The following GPHN variants were observed in gnomAD, a reference collection of about 807,000 sequenced individuals.
GPHN encodes gephyrin.
Under a neutral mutation model 95.5 loss-of-function variants are expected in GPHN, and 17 were observed. The ratio of observed to expected loss-of-function variants is 0.18; its 90% CI spans 0.12 to 0.27. GPHN has a LOEUF of 0.27. Among genes scored for constraint, GPHN ranks in the 10% least tolerant of loss-of-function variants. GPHN has a pLI of 1.00. For missense variants in GPHN, 660 were observed against 978.1 expected, an observed-to-expected ratio of 0.67 and a Z score of 4.34; for synonymous variants, 320 against 322.5, an observed-to-expected ratio of 0.99 and a Z score of 0.08.
the GPHN span, among the ~76,000 whole-genome samples, chr14:67,337,176 T>C: frequency 6.6e-6 from 1 of 152,240 alleles, no homozygotes; most frequent in Non-Finnish European, 1.5e-5. Context: ...TGCTATCTTA[T>C]AGGAGATGTT....
chr14:67,076,710 G>T (rs893040792), intron 11 of GPHN, among the ~76,000 whole-genome samples: 19 of 152,144 alleles, frequency 1.2e-4, no homozygotes, highest in African/African-American at 4.1e-4. Context: ...CAGCATCAAT[G>T]CCGTTACAAT....
intron 9 of GPHN, among the ~76,000 whole-genome samples, chr14:66,992,314 A>G (rs138160884): frequency 3.9e-5 from 6 of 152,286 alleles, no homozygotes; most frequent in East Asian, 3.9e-4. Flanking sequence ...AAGGAATATG[A>G]CAATTATCTA....
chr14:66,816,233 A>G (rs767345853), intron 3 of GPHN, among the ~76,000 whole-genome samples: 4 of 152,138 alleles, frequency 2.6e-5, no homozygotes, highest in Non-Finnish European at 5.9e-5. Context: ...CCCCACTGAC[A>G]ATATTAGATC....
intron 14 of GPHN, among the ~76,000 whole-genome samples, chr14:67,111,347 C>T (rs1490556834): frequency 2.0e-5 from 3 of 152,152 alleles, no homozygotes; most frequent in African/African-American, 7.2e-5. Context: ...ATTCACAGCC[C>T]ATAAATGTAA....
At chr14:67,440,027 G>C in the GPHN span, among the ~76,000 whole-genome samples, 2 of 151,970 alleles carry the variant, frequency 1.3e-5, no homozygotes, top group African/African-American at 4.8e-5. Flanking sequence ...GTAGAGACAG[G>C]GTTTCACCAT....
chr14:67,122,360 G>T lies in GPHN; in HGVS notation c.1731G>T (p.Leu577Phe). The stretch of plus-strand genomic sequence containing the variant: ...AACATGGTTACCCCACGATCAACTT[G>T]GGTATTGTAGGAGACAAGTAAGTAT... ...IQEHGYPTIN[L>F]GIVGDNPDDL... Residue 577 changes from leucine (L) to phenylalanine (F), a missense_variant, in exon 17 of 23, where the codon TTG (leucine) becomes TTT (phenylalanine). By Grantham distance (22) the Leu-to-Phe change is conservative. Around this residue, in one of 6 missense-constraint regions of GPHN, gnomAD observed 257 missense variants for 376.2 expected, o/e 0.68. Coordinates refer to ENST00000478722, the MANE Select transcript of GPHN (RefSeq NM_020806.5). The T allele has an allele frequency of 6.2e-7, 1 of 1,613,182 alleles. No individual in the cohort carries two copies.
At chr14:66,907,819 A>C (rs2153553500) in intron 5 of GPHN, among the ~76,000 whole-genome samples, 1 of 152,146 alleles carries the variant, frequency 6.6e-6, no homozygotes, top group African/African-American at 2.4e-5. Context: ...GTATACTGGA[A>C]TTGAACAGTT....
intron 1 of GPHN, among the ~76,000 whole-genome samples, chr14:66,619,007 T>C (rs1777596952): frequency 6.6e-6 from 1 of 152,198 alleles, no homozygotes; most frequent in South Asian, 2.1e-4. Context: ...TTTATGTAAA[T>C]AGATAGTTAC....
At chr14:66,969,010 T>G (rs2069549631) in intron 9 of GPHN, 1 of 150,494 alleles carries the variant, frequency 6.6e-6, no homozygotes, top group Non-Finnish European at 1.5e-5. Context: ...CTATACCAGG[T>G]CTTGATTTCT....
chr14:67,170,799 A>G (rs985779175), intron 21 of GPHN, among the ~76,000 whole-genome samples: 2 of 152,196 alleles, frequency 1.3e-5, no homozygotes, highest in Non-Finnish European at 2.9e-5. Context: ...TCATCCCCAC[A>G]TCAGTACTGA....
At chr14:67,235,680 A>G in the GPHN span, among the ~76,000 whole-genome samples, 9 of 152,132 alleles carry the variant, frequency 5.9e-5, no homozygotes, top group African/African-American at 2.2e-4. Flanking sequence ...GCGCCACTGC[A>G]CTGCAGCCTG....
At chr14:66,985,038 A>G (rs1203569582) in intron 9 of GPHN, among the ~76,000 whole-genome samples, 1 of 152,204 alleles carries the variant, frequency 6.6e-6, no homozygotes, top group East Asian at 1.9e-4. Context: ...CAAGATAGCA[A>G]ATTTTCCAAG....
At chr14:67,469,003 ACC>A in the GPHN span, among the ~76,000 whole-genome samples, 1 of 151,914 alleles carries the variant, frequency 6.6e-6, no homozygotes, top group Non-Finnish European at 1.5e-5. Context: ...CATAAAGGAG[ACC>A]CTGTTTCATT....
At position 67,166,916 on chromosome 14, in the gene GPHN, G is replaced by A. The variant is rs551685275; in HGVS notation, c.1975+1690G>A. ...ACTTCTGAGCTCAAGCCATCCACCT[G>A]TCTCAGCGTCCCAAAGTTTTGGGAT... On this transcript the variant is annotated intron_variant, in intron 20 of 22. Transcript: ENST00000478722. Among the ~76,000 whole-genome samples the A allele has an allele frequency of 1.2e-4, 19 of 152,246 alleles. No individual in the cohort carries two copies. In the South Asian group the frequency reaches 3.9e-3, roughly 32 times the overall value.
chr14:66,523,916 A>C (rs1447495084), intron 1 of GPHN, among the ~76,000 whole-genome samples: 1 of 152,086 alleles, frequency 6.6e-6, no homozygotes, highest in African/African-American at 2.4e-5. Flanking sequence ...TTCAATACTG[A>C]ACTGGGGTTC....
At chr14:67,600,111 G>A in the GPHN span, 1 of 1,597,746 alleles carries the variant, frequency 6.3e-7, no homozygotes, top group South Asian at 1.1e-5. Context: ...GAGGGCAGCT[G>A]AGGCAGAATT....
intron 4 of GPHN, among the ~76,000 whole-genome samples, chr14:66,876,675 C>A (rs1021087047): frequency 6.6e-6 from 1 of 151,914 alleles, no homozygotes; most frequent in South Asian, 2.1e-4. Context: ...GACACATACA[C>A]CCCCCCAAGA....
chr14:66,589,987 C>T (rs2061574906), intron 1 of GPHN, among the ~76,000 whole-genome samples: 2 of 152,188 alleles, frequency 1.3e-5, no homozygotes, highest in Non-Finnish European at 2.9e-5. Flanking sequence ...TCTCAGACCA[C>T]AGTACAATCA....
intron 1 of GPHN, among the ~76,000 whole-genome samples, chr14:66,641,501 C>G (rs1296529702): frequency 1.3e-5 from 2 of 152,082 alleles, no homozygotes; most frequent in African/African-American, 2.4e-5. Context: ...GAAGTTTTCA[C>G]TATCCTAAAT....
Sources: gnomAD v4.1 joint callset for allele counts (sites outside exome capture counted in the v4.1 genomes callset) on GRCh38, gnomAD v4.1.1 for gene constraint, gnomAD v4.1.1 regional missense constraint, MANE v1.5 for transcripts, NCBI Gene and HGNC (gene_info 2026-07-23, HGNC 2026-07-21) for gene names.